Variants in MYO1E observed in about 807,000 individuals in gnomAD.
MYO1E encodes the protein myosin IE.
A neutral mutation model predicts 151.1 loss-of-function variants in MYO1E; 68 were observed. The observed-to-expected ratio is 0.45, with a 90% confidence interval of 0.37 to 0.55. The LOEUF (loss-of-function observed/expected upper bound fraction) is 0.55, where lower values mean the gene tolerates loss of function less well. Among genes scored for constraint, MYO1E ranks in the 20% least tolerant of loss-of-function variants. The pLI is 0.00. For missense variants in MYO1E, 1,363 were observed against 1,389.3 expected, an observed-to-expected ratio of 0.98 and a Z score of 0.30; for synonymous variants, 601 against 501.7, an observed-to-expected ratio of 1.20 and a Z score of -2.64.
intron 5 of MYO1E, among the ~76,000 whole-genome samples, chr15:59,233,850 G>C (rs1158348227): frequency 6.8e-6 from 1 of 147,728 alleles, no homozygotes; most frequent in Non-Finnish European, 1.5e-5. Flanking sequence ...CAACTGAGGT[G>C]TAACTGTAGA....
chr15:59,209,451 G>A (rs552095986), intron 13 of MYO1E, among the ~76,000 whole-genome samples: 142 of 152,208 alleles, frequency 9.3e-4, no homozygotes, highest in African/African-American at 3.2e-3. Flanking sequence ...GCCGAGGGGG[G>A]TGGATCACGA....
chr15:59,288,518 G>C (rs757622489), intron 1 of MYO1E, among the ~76,000 whole-genome samples: 31 of 152,276 alleles, frequency 2.0e-4, no homozygotes, highest in Non-Finnish European at 3.7e-4. Context: ...ATAACGCACA[G>C]AGATTTCATA....
intron 2 of MYO1E, among the ~76,000 whole-genome samples, chr15:59,267,647 T>C (rs1177807814): frequency 8.5e-5 from 13 of 152,162 alleles, no homozygotes; most frequent in African/African-American, 1.9e-4. Flanking sequence ...CACACCTGAG[T>C]GTGGTCTTTG....
At chr15:59,186,220 C>A (rs1461513261) in intron 18 of MYO1E, among the ~76,000 whole-genome samples, 1 of 152,138 alleles carries the variant, frequency 6.6e-6, no homozygotes, top group Admixed American at 6.6e-5. Context: ...ATGTGGGGGA[C>A]TGAGTTTCTG....
intron 1 of MYO1E, among the ~76,000 whole-genome samples, chr15:59,274,781 G>C (rs1011438958): frequency 1.3e-5 from 2 of 152,110 alleles, no homozygotes; most frequent in Admixed American, 6.5e-5. Flanking sequence ...CCCCACCTCA[G>C]AGGCTGTTTC....
At chr15:59,278,579 A>G (rs1219143964) in intron 1 of MYO1E, among the ~76,000 whole-genome samples, 2 of 152,200 alleles carry the variant, frequency 1.3e-5, no homozygotes, top group South Asian at 2.1e-4. Flanking sequence ...ACAAACCAGC[A>G]TTGGGCTTGC....
chr15:59,218,158 T>C (rs1249293249), intron 9 of MYO1E, 71 bp from the exon 10 acceptor site: 14 of 1,557,682 alleles, frequency 9.0e-6, no homozygotes, highest in African/African-American at 1.4e-5. Flanking sequence ...CACAAACATA[T>C]GGAGGCACTT....
intron 16 of MYO1E, 95 bp from the exon 17 acceptor site, chr15:59,195,662 A>G (rs980377612): frequency 8.7e-7 from 1 of 1,148,850 alleles, no homozygotes; most frequent in Non-Finnish European, 1.3e-6. Flanking sequence ...AGAAATACAT[A>G]GCTAGGAATT....
At chr15:59,220,972 T>C (rs2079951539) in intron 9 of MYO1E, among the ~76,000 whole-genome samples, 2 of 141,660 alleles carry the variant, frequency 1.4e-5, no homozygotes, top group Admixed American at 7.1e-5. Flanking sequence ...GGAATTGATA[T>C]AGCATCATCT....
At chr15:59,216,570 A>T in intron 10 of MYO1E, among the ~76,000 whole-genome samples, 1 of 65,102 alleles carries the variant, frequency 1.5e-5, no homozygotes, top group South Asian at 3.7e-4. Flanking sequence ...ATTCATATAT[A>T]AGAGTTTATG....
chr15:59,153,738 G>A lies in MYO1E; in HGVS notation c.2932C>T (p.Pro978Ser). ...RNQYVPYPHA[P>S]GSQRSNQKSL... is the part of the protein sequence containing the mutation. ...TTCTGATTGGACCTCTGGCTTCCAG[G>A]AGCATGGGGATATGGCACATACTGG... The change falls in exon 26 of 28, where the codon CCT becomes TCT. Residue 978 changes from proline (P) to serine (S), a missense_variant. Physicochemically the swap from Pro to Ser is moderately conservative, Grantham distance 74. Coordinates refer to ENST00000288235, the MANE Select transcript of MYO1E (RefSeq NM_004998.4). 1 of 1,614,098 alleles carries A rather than the reference G, an allele frequency of 6.2e-7. No homozygotes were observed. Among genetic ancestry groups the A allele is most frequent in the Non-Finnish European group, 8.5e-7 (1 of 1,179,984 alleles).
chr15:59,153,659 C>T lies in MYO1E; in HGVS notation c.3011G>A (p.Ser1004Asn), dbSNP rs1423759570. 6.2e-7 allele frequency: 1 copy of T among 1,614,192 alleles called. No individual in the cohort carries two copies. The highest frequency in any genetic ancestry group is 8.5e-7 in the Non-Finnish European group (1 of 1,180,032). The part of the protein sequence containing the change: ...RPPLPRQQST[S>N]SDRVSQTPES... Reference sequence around the variant, plus strand: ...TGGCGTCTGTGACACTCGGTCTGAACTGGTAGACTGCTGCCGAGGCAAGGG... The same window carrying T: ...TGGCGTCTGTGACACTCGGTCTGAATTGGTAGACTGCTGCCGAGGCAAGGG... The change falls in exon 26 of 28, where the codon AGT becomes AAT. Residue 1004 changes from serine (S) to asparagine (N), a missense_variant. Transcript: ENST00000288235.
intron 25 of MYO1E, among the ~76,000 whole-genome samples, chr15:59,157,150 A>G (rs1288549344): frequency 1.3e-5 from 2 of 152,014 alleles, no homozygotes; most frequent in Non-Finnish European, 2.9e-5. Context: ...CACTTGATCC[A>G]GGGAGGCTGA....
At chr15:59,292,238 G>C (rs1487767424) in intron 1 of MYO1E, among the ~76,000 whole-genome samples, 1 of 152,080 alleles carries the variant, frequency 6.6e-6, no homozygotes, top group Non-Finnish European at 1.5e-5. Context: ...GGATTTCAAG[G>C]CAAATTCATC....
At position 59,184,095 on chromosome 15, in the gene MYO1E, G is replaced by A. The variant is rs566267778; in HGVS notation, c.1904+4023C>T. 2.5e-3 allele frequency among the ~76,000 whole-genome samples: 375 copies of A among 152,268 alleles called. 2 individuals carry two copies. Among genetic ancestry groups the A allele is most frequent in the Non-Finnish European group, 3.6e-3 (243 of 68,026 alleles). Reference sequence around the variant, plus strand: ...GTAATCTCGGCTCACTGCAACCTCTGCCTTGGGTTCCAGCAATCCTTTCAC... The same window carrying A: ...GTAATCTCGGCTCACTGCAACCTCTACCTTGGGTTCCAGCAATCCTTTCAC... On this transcript the variant is annotated intron_variant, in intron 18 of 27. Transcript: ENST00000288235.
At chr15:59,320,328 A>G (rs935335325) in intron 1 of MYO1E, among the ~76,000 whole-genome samples, 1 of 152,224 alleles carries the variant, frequency 6.6e-6, no homozygotes, top group Non-Finnish European at 1.5e-5. Context: ...CTATTCCAAA[A>G]TTCCTATGAA....
intron 22 of MYO1E, among the ~76,000 whole-genome samples, chr15:59,169,685 A>C (rs1446303572): frequency 6.6e-6 from 1 of 152,246 alleles, no homozygotes; most frequent in Non-Finnish European, 1.5e-5. Flanking sequence ...AACAGGAAGA[A>C]GAAAAAGAAG....
rs144092199 is a variant in MYO1E, at chr15:59,152,719, G to T, written c.3080+871C>A. Among the ~76,000 whole-genome samples the T allele has an allele frequency of 6.6e-3, 1,001 of 152,312 alleles. 11 individuals carry two copies. The highest frequency in any genetic ancestry group is 0.023 in the African/African-American group (940 of 41,568). On this transcript the variant is annotated intron_variant, in intron 26 of 27. Coordinates refer to ENST00000288235, the MANE Select transcript of MYO1E (RefSeq NM_004998.4). ...ACATTAGTGCTTAGACAAGGAAACT[G>T]AAGCTCAGAGAGAGCAAACAGCAGG...
chr15:59,334,463 T>C (rs1315284465), intron 1 of MYO1E, among the ~76,000 whole-genome samples: 3 of 116,378 alleles, frequency 2.6e-5, no homozygotes, highest in African/African-American at 6.1e-5. Flanking sequence ...TTTGTACGCA[T>C]ATGTTGTTTT....
Sources: gnomAD v4.1 joint callset for allele counts (sites outside exome capture counted in the v4.1 genomes callset) on GRCh38, gnomAD v4.1.1 for gene constraint, MANE v1.5 for transcripts, NCBI Gene and HGNC (gene_info 2026-07-23, HGNC 2026-07-21) for gene names.